The following RERE variants were observed in gnomAD, a reference collection of about 807,000 sequenced individuals.
The protein encoded by RERE is arginine-glutamic acid dipeptide repeats protein.
A neutral mutation model predicts 146.1 loss-of-function variants in RERE; 40 were observed. The observed-to-expected ratio is 0.27, with a 90% CI of 0.21 to 0.36. RERE has a LOEUF of 0.36. Ranked by LOEUF, RERE falls within the 10% of genes least tolerant of loss-of-function variation. The probability of loss-of-function intolerance (pLI) is 1.00; values close to 1 mark genes in which losing one functional copy is unlikely to be tolerated. For missense variants in RERE, 1,933 were observed against 2,138.7 expected (o/e 0.90, Z 1.90); for synonymous variants, 1,003 against 866.0 (o/e 1.16, Z -2.78).
intron 1 of RERE, among the ~76,000 whole-genome samples, chr1:8,800,450 A>G (rs1373705519): frequency 6.6e-6 from 1 of 152,192 alleles, no homozygotes; most frequent in Admixed American, 6.6e-5. Flanking sequence ...AGAGACCACG[A>G]AAGTATATCT....
At chr1:8,443,248 G>T (rs1215995520) in intron 11 of RERE, among the ~76,000 whole-genome samples, 1 of 151,996 alleles carries the variant, frequency 6.6e-6, no homozygotes, top group Admixed American at 6.6e-5. Context: ...GGATCATGAG[G>T]TCAGGAGTTC....
intron 1 of RERE, among the ~76,000 whole-genome samples, chr1:8,766,261 C>A (rs371883828): frequency 3.2e-4 from 49 of 152,258 alleles, no homozygotes; most frequent in African/African-American, 1.1e-3. Context: ...GAGACAGTGG[C>A]CAGGTGCAGT....
Position 8,775,135 on chromosome 1 carries a change from A to G in RERE, c.-145+42025T>C, listed in dbSNP as rs912432740. Among the ~76,000 whole-genome samples, 4 of 151,052 alleles carry G rather than the reference A, an allele frequency of 2.6e-5. No individual in the cohort carries two copies. In the East Asian group the frequency reaches 7.8e-4, roughly 29 times the overall value. On this transcript the variant is annotated intron_variant, in intron 1 of 22. Coordinates refer to ENST00000400908, the MANE Select transcript of RERE (RefSeq NM_001042681.2). ...GCCACCACGCCCGGCTAATTTTTGT[A>G]TTTTTAGTAGAGACGGGGTTTCACC...
intron 12 of RERE, among the ~76,000 whole-genome samples, chr1:8,406,635 G>A (rs1193911794): frequency 6.6e-6 from 1 of 152,096 alleles, no homozygotes; most frequent in African/African-American, 2.4e-5. Context: ...AAACCAAATG[G>A]TTTTTTAAAA....
intron 6 of RERE, 36 bp downstream of exon 6, chr1:8,556,439 C>T (rs1328441803): frequency 1.6e-6 from 2 of 1,222,246 alleles, no homozygotes; most frequent in Admixed American, 3.4e-5. Context: ...TCAGTGACTC[C>T]TCCTTCACAT....
intron 4 of RERE, among the ~76,000 whole-genome samples, chr1:8,573,050 G>A (rs1454146330): frequency 6.6e-6 from 1 of 152,136 alleles, no homozygotes. Flanking sequence ...AAACCTAAAT[G>A]TCTTGCTTGC....
intron 12 of RERE, among the ~76,000 whole-genome samples, chr1:8,408,691 C>T (rs1643524517): frequency 6.6e-6 from 1 of 152,150 alleles, no homozygotes; most frequent in Admixed American, 6.5e-5. Flanking sequence ...ATATCCTCCA[C>T]ATTAAACAAC....
At chr1:8,564,824 ATATGTG>A (rs753022076) in intron 4 of RERE, among the ~76,000 whole-genome samples, 291 of 48,840 alleles carry the variant, frequency 6.0e-3, no homozygotes, top group East Asian at 0.019. Context: ...ATGTGTGTGT[ATATGTG>A]TATGTGTGTG....
intron 12 of RERE, among the ~76,000 whole-genome samples, chr1:8,387,582 G>T (rs2124419609): frequency 6.6e-6 from 1 of 152,190 alleles, no homozygotes; most frequent in Admixed American, 6.5e-5. Flanking sequence ...TGAGTATCTA[G>T]AACTCTTACA....
chr1:8,679,442 C>A (rs1421119192), intron 1 of RERE, among the ~76,000 whole-genome samples: 1 of 152,200 alleles, frequency 6.6e-6, no homozygotes, highest in African/African-American at 2.4e-5. Context: ...TTTAGAATCA[C>A]AGGTTCCATT....
At chr1:8,650,889 C>T (rs1020681172) in intron 2 of RERE, among the ~76,000 whole-genome samples, 1 of 116,606 alleles carries the variant, frequency 8.6e-6, no homozygotes, top group African/African-American at 3.1e-5. Context: ...GAGTGAGACT[C>T]CATCTCAAAA....
chr1:8,709,783 C>T (rs886992128), intron 1 of RERE, among the ~76,000 whole-genome samples: 1 of 152,154 alleles, frequency 6.6e-6, no homozygotes, highest in African/African-American at 2.4e-5. Flanking sequence ...CTACAACAAA[C>T]TTCTTTGTGC....
intron 12 of RERE, among the ~76,000 whole-genome samples, chr1:8,417,537 G>A (rs1392863669): frequency 6.6e-6 from 1 of 152,182 alleles, no homozygotes; most frequent in East Asian, 1.9e-4. Context: ...ATTTCCAATA[G>A]AGAAAATGAA....
chr1:8,793,898 T>C (rs563844509), intron 1 of RERE, among the ~76,000 whole-genome samples: 1 of 151,748 alleles, frequency 6.6e-6, no homozygotes, highest in Non-Finnish European at 1.5e-5. Context: ...ACCTCATCTC[T>C]ACTAAAAATA....
intron 6 of RERE, among the ~76,000 whole-genome samples, chr1:8,546,663 C>A (rs1016505556): frequency 6.6e-6 from 1 of 151,932 alleles, no homozygotes; most frequent in Non-Finnish European, 1.5e-5. Flanking sequence ...GCCTGGCCAA[C>A]ATAGTGAAAC....
intron 4 of RERE, among the ~76,000 whole-genome samples, chr1:8,571,751 G>A (rs1208657778): frequency 6.6e-6 from 1 of 152,034 alleles, no homozygotes; most frequent in African/African-American, 2.4e-5. Context: ...GCTTATCTTG[G>A]TGCACATGCC....
rs1313231276 is a variant in RERE, at chr1:8,353,034, G to A, written c.*2053C>T. The A allele has an allele frequency of 6.6e-6, 1 of 152,468 alleles. No homozygotes were observed. The highest frequency in any genetic ancestry group is 1.5e-5 in the Non-Finnish European group (1 of 68,074). The allele number at this position is 152,468 out of a possible 1,614,324, so 9.4% of individuals were successfully genotyped here. A position where few individuals can be genotyped will look rare whatever the true frequency, so the allele number is the denominator to read the frequency against. On this transcript the variant is annotated 3_prime_UTR_variant, in exon 23 of 23. Coordinates refer to ENST00000400908, the MANE Select transcript of RERE (RefSeq NM_001042681.2). Reference sequence around the variant, plus strand: ...GTGGGGGCCTGGATGCAGGAGTCTGGGAGCCCAGCAGGAAGAGGCCTCGCT... The same window carrying A: ...GTGGGGGCCTGGATGCAGGAGTCTGAGAGCCCAGCAGGAAGAGGCCTCGCT...
chr1:8,735,678 G>A (rs1391962134), intron 1 of RERE, among the ~76,000 whole-genome samples: 7 of 152,160 alleles, frequency 4.6e-5, no homozygotes, highest in South Asian at 2.1e-4. Context: ...ATCACGGGGC[G>A]GTTTCTCATG....
Position 8,476,114 on chromosome 1 carries a change from A to G in RERE, c.1105-10091T>C, listed in dbSNP as rs978042935. On this transcript the variant is annotated intron_variant, in intron 10 of 22. Transcript: ENST00000400908. ...CGCCAGCCCTGGAGTCACATGGAAG[A>G]AAGGAGGGGGTCGCAACATTTGCTG... 7.9e-5 allele frequency among the ~76,000 whole-genome samples: 12 copies of G among 152,360 alleles called. 1 individual carries two copies. Among genetic ancestry groups the G allele is most frequent in the African/African-American group, 2.6e-4 (11 of 41,588 alleles).
Sources: allele counts gnomAD v4.1 joint callset (sites outside exome capture counted in the v4.1 genomes callset), GRCh38; gene constraint gnomAD v4.1.1; transcripts MANE v1.5; gene names NCBI Gene and HGNC (gene_info 2026-07-23, HGNC 2026-07-21).